NOTCH2NLB: variants seen among roughly 807,000 people sequenced by gnomAD.
NOTCH2NLB encodes notch 2 N-terminal like B, also known as notch homolog 2 N-terminal-like protein B.
A neutral mutation model predicts 14.8 loss-of-function variants in NOTCH2NLB; 1 was observed. That is an observed-to-expected ratio of 0.07 (90% CI 0.02 to 0.32). The LOEUF (loss-of-function observed/expected upper bound fraction) is 0.32. Among genes scored for constraint, NOTCH2NLB ranks in the 10% least tolerant of loss-of-function variants. The probability of loss-of-function intolerance (pLI) is 1.00; values close to 1 mark genes in which losing one functional copy is unlikely to be tolerated. For synonymous variants in NOTCH2NLB, 6 were observed against 57.5 expected, an observed-to-expected ratio of 0.10 and a Z score of 4.05; for missense variants, 11 against 155.0, an observed-to-expected ratio of 0.07 and a Z score of 4.93.
At chr1:148,670,510 T>C (rs1384201679) in intron 1 of NOTCH2NLB, among the ~76,000 whole-genome samples, 1 of 132,894 alleles carries the variant, frequency 7.5e-6, no homozygotes, top group Non-Finnish European at 1.6e-5. Context: ...TATATATATA[T>C]GTAGATCTGT....
At chr1:148,601,128 C>G in the NOTCH2NLB span, among the ~76,000 whole-genome samples, 1 of 150,482 alleles carries the variant, frequency 6.6e-6, no homozygotes, top group Non-Finnish European at 1.5e-5. Context: ...AAGCTTTACC[C>G]AATTGCAGTC....
At chr1:148,693,058 G>T in the NOTCH2NLB span, among the ~76,000 whole-genome samples, 1 of 138,970 alleles carries the variant, frequency 7.2e-6, no homozygotes, top group African/African-American at 2.9e-5. Flanking sequence ...GAATACTGCG[G>T]GATTCTCTGC....
chr1:148,609,053 A>T lies in NOTCH2NLB; in HGVS notation c.338-1308T>A, dbSNP rs1307534639. ...GCTTTTTGTTGTCATTAGTCTAAGT[A>T]GCTTATTATTTAAACTACAGAGATA... On this transcript the variant is annotated intron_variant, in intron 3 of 4. Coordinates refer to ENST00000593495, the Ensembl canonical transcript of NOTCH2NLB. 3.6e-5 allele frequency among the ~76,000 whole-genome samples: 4 copies of T among 110,628 alleles called. 1 individual carries two copies. The highest frequency in any genetic ancestry group is 1.5e-4 in the African/African-American group (4 of 25,900). The allele number at this position is 110,628 out of a possible 152,430, so 72.6% of individuals were successfully genotyped here. A position where few individuals can be genotyped will look rare whatever the true frequency, so the allele number is the denominator to read the frequency against.
In NOTCH2NLB at chr1:148,638,742, A is replaced by G. The variant is rs1664273782; in HGVS notation, c.77+1274T>C. 1.3e-5 allele frequency among the ~76,000 whole-genome samples: 2 copies of G among 149,702 alleles called. 1 individual carries two copies. Reference sequence around the variant, plus strand: ...CTGACTTGAAAAAAAAATCTTGTTTATAACATTAAAAAACTAAATCCTAGT... The same window carrying G: ...CTGACTTGAAAAAAAAATCTTGTTTGTAACATTAAAAAACTAAATCCTAGT... On this transcript the variant is annotated intron_variant, in intron 2 of 4. Coordinates refer to ENST00000593495, the Ensembl canonical transcript of NOTCH2NLB.
At chr1:148,685,626 G>C in the NOTCH2NLB span, among the ~76,000 whole-genome samples, 1 of 151,768 alleles carries the variant, frequency 6.6e-6, no homozygotes, top group African/African-American at 2.4e-5. Context: ...AGGAGTTCAA[G>C]ACCAGCCTGG....
At position 148,609,612 on chromosome 1, in the gene NOTCH2NLB, G is replaced by C. The variant is rs1300061242; in HGVS notation, c.338-1867C>G. Reference sequence around the variant, plus strand: ...TTATAATTCTTTGGGTATATACCCAGTACTGGGATGGCGAGAACTCCTTGA... The same window carrying C: ...TTATAATTCTTTGGGTATATACCCACTACTGGGATGGCGAGAACTCCTTGA... On this transcript the variant is annotated intron_variant, in intron 3 of 4. Coordinates refer to ENST00000593495, the Ensembl canonical transcript of NOTCH2NLB. 2.3e-4 allele frequency among the ~76,000 whole-genome samples: 33 copies of C among 144,334 alleles called. 3 individuals are homozygous for C. The South Asian group carries it at 6.9e-3, about 30-fold the overall frequency. 94.7% of individuals were successfully genotyped at this position (144,334 alleles called of 152,430 possible).
rs1161251019 is a variant in NOTCH2NLB at position 148,679,386 on chromosome 1, G to C, written c.3+76C>G. 173 of 680,596 alleles carry C rather than the reference G, an allele frequency of 2.5e-4. 19 individuals carry two copies. The African/African-American group carries it at 4.6e-3, about 18-fold the overall frequency. The allele number at this position is 680,596 out of a possible 1,614,324, so 42.2% of individuals were successfully genotyped here. A position where few individuals can be genotyped will look rare whatever the true frequency, so the allele number is the denominator to read the frequency against. ...GAGCCTGGCCTTCCCACACAGAGAAGGACCGAGGGGGAGAAGGGTCGCCCC... is the reference window on the plus strand; with the variant it reads ...GAGCCTGGCCTTCCCACACAGAGAACGACCGAGGGGGAGAAGGGTCGCCCC... On this transcript the variant is annotated intron_variant, in intron 1 of 4. Transcript: ENST00000593495.
intron 2 of NOTCH2NLB, among the ~76,000 whole-genome samples, chr1:148,637,647 C>T (rs1195485436): frequency 5.7e-4 from 83 of 145,546 alleles, no homozygotes; most frequent in East Asian, 3.9e-3. Context: ...CATAGGTATA[C>T]ATGTGCCATG....
At chr1:148,612,067 C>A (rs2149601683) in intron 3 of NOTCH2NLB, among the ~76,000 whole-genome samples, 1 of 140,310 alleles carries the variant, frequency 7.1e-6, no homozygotes, top group East Asian at 2.2e-4. Context: ...ATGGGTTTGC[C>A]TATCCTGCAT....
At chr1:148,655,949 TG>T (rs1222338415) in intron 1 of NOTCH2NLB, among the ~76,000 whole-genome samples, 14 of 137,240 alleles carry the variant, frequency 1.0e-4, no homozygotes, top group Middle Eastern at 7.9e-3. Context: ...TCTGGACCAG[TG>T]GTCTGCAAAA....
chr1:148,682,569 G>A (rs1664941090), upstream of NOTCH2NLB, among the ~76,000 whole-genome samples: 1 of 40,492 alleles, frequency 2.5e-5, no homozygotes, highest in Admixed American at 2.1e-4. Context: ...CAACAAGAGT[G>A]AAACTCCGTC....
chr1:148,625,678 GC>G (rs1663968780), intron 2 of NOTCH2NLB, among the ~76,000 whole-genome samples: 1 of 118,186 alleles, frequency 8.5e-6, no homozygotes, highest in Non-Finnish European at 1.7e-5. Flanking sequence ...ATCCGCAGTG[GC>G]AGCCTGCCCT....
At chr1:148,707,777 C>T in the NOTCH2NLB span, among the ~76,000 whole-genome samples, 1 of 148,860 alleles carries the variant, frequency 6.7e-6, no homozygotes, top group African/African-American at 2.4e-5. Flanking sequence ...GCAAGACCCC[C>T]TCTCAAAAAA....
chr1:148,610,326 A>AAAG (rs1465724163), intron 3 of NOTCH2NLB, among the ~76,000 whole-genome samples: 3 of 46,620 alleles, frequency 6.4e-5, no homozygotes, highest in African/African-American at 2.7e-4. Flanking sequence ...AAAGAGAGAG[A>AAAG]AAGAAAGAAA....
intron 2 of NOTCH2NLB, among the ~76,000 whole-genome samples, chr1:148,628,979 GC>G (rs1664046851): frequency 1.3e-5 from 1 of 74,420 alleles, no homozygotes; most frequent in Non-Finnish European, 2.3e-5. Context: ...CTTTCAGCTA[GC>G]CCCTCACAGA....
intron 2 of NOTCH2NLB, among the ~76,000 whole-genome samples, chr1:148,638,335 A>G (rs1664263571): frequency 2.0e-5 from 3 of 149,430 alleles, no homozygotes; most frequent in African/African-American, 7.5e-5. Context: ...AAAATGCATA[A>G]GACTAAGACC....
the NOTCH2NLB span, among the ~76,000 whole-genome samples, chr1:148,685,818 G>A: frequency 8.6e-5 from 5 of 58,126 alleles, no homozygotes; most frequent in Non-Finnish European, 9.6e-5. Flanking sequence ...GACAAAGTGA[G>A]ACCCTGTCTC....
At chr1:148,658,893 T>C (rs1251210337) in intron 1 of NOTCH2NLB, among the ~76,000 whole-genome samples, 3 of 149,658 alleles carry the variant, frequency 2.0e-5, no homozygotes, top group East Asian at 4.0e-4. Flanking sequence ...CTGCATAATC[T>C]TGGGTAAACT....
chr1:148,670,573 T>TAC (rs1664756280), intron 1 of NOTCH2NLB, among the ~76,000 whole-genome samples: 1 of 138,312 alleles, frequency 7.2e-6, no homozygotes, highest in African/African-American at 2.6e-5. Flanking sequence ...TATATATATA[T>TAC]ATATAAATAA....
Sources: gnomAD v4.1 joint callset for allele counts (sites outside exome capture counted in the v4.1 genomes callset) on GRCh38, gnomAD v4.1.1 for gene constraint, MANE v1.5 for transcripts, NCBI Gene and HGNC (gene_info 2026-07-23, HGNC 2026-07-21) for gene names.